The following SBNO1 variants were observed in gnomAD, a reference collection of about 807,000 sequenced individuals.
SBNO1 encodes strawberry notch homolog 1, also known as protein strawberry notch homolog 1.
In SBNO1, 23 loss-of-function variants were observed where a neutral mutation model predicts 173.6. The observed-to-expected ratio is 0.13, with a 90% CI of 0.10 to 0.19. The LOEUF (loss-of-function observed/expected upper bound fraction) is 0.19, where lower values mean the gene tolerates loss of function less well. Ranked by LOEUF, SBNO1 falls within the 10% of genes least tolerant of loss-of-function variation. SBNO1 has a pLI of 1.00. For missense variants in SBNO1, 1,238 were observed against 1,671.2 expected (o/e 0.74, Z 4.52); for synonymous variants, 632 against 571.5 (o/e 1.11, Z -1.51).
chr12:123,363,997 A>G, intron 1 of SBNO1: 4 of 985,474 alleles, frequency 4.1e-6, no homozygotes, highest in Non-Finnish European at 4.8e-6. Context: ...GTTATGCCAA[A>G]CGCTCTCAAA....
intron 1 of SBNO1, among the ~76,000 whole-genome samples, chr12:123,354,310 C>T (rs930032018): frequency 6.6e-6 from 1 of 152,072 alleles, no homozygotes; most frequent in African/African-American, 2.4e-5. Flanking sequence ...CAATTTAAGA[C>T]CCTCTAATCT....
intron 16 of SBNO1, among the ~76,000 whole-genome samples, chr12:123,323,287 C>CA (rs1343236083): frequency 6.6e-6 from 1 of 152,186 alleles, no homozygotes; most frequent in East Asian, 1.9e-4. Flanking sequence ...AGTTCATTCC[C>CA]AAAATATAGC....
chr12:123,319,910 T>A lies in SBNO1; in HGVS notation c.2789A>T (p.Asp930Val), dbSNP rs754115120. 7.4e-6 allele frequency: 12 copies of A among 1,613,890 alleles called. No individual in the cohort carries two copies. The highest frequency in any genetic ancestry group is 2.2e-5 in the South Asian group (2 of 91,080). The change falls in exon 20 of 32, where the codon GAT (aspartate) becomes GTT (valine). Residue 930 changes from aspartate (D) to valine (V), a missense_variant. Around this residue, in one of 14 missense-constraint regions of SBNO1, gnomAD observed 45 missense variants for 85.5 expected, o/e 0.53. Transcript: ENST00000602398. ...CTCAGTAAAACATACCTTATCTCCA[T>A]CCATAAATCGTTGTTTTTCTGTGAT... is the stretch of plus-strand genomic sequence containing the variant. Reference protein sequence around the residue: ...LNITEKQRFMDGDKNIAIISE... With the variant: ...LNITEKQRFMVGDKNIAIISE...
chr12:123,312,622 G>A (rs77631358), intron 24 of SBNO1, among the ~76,000 whole-genome samples: 81 of 151,458 alleles, frequency 5.3e-4, no homozygotes, highest in African/African-American at 1.9e-3. Context: ...TCAGGGAGGA[G>A]AACCCTTTGA....
At chr12:123,302,680 G>A in intron 30 of SBNO1, 144 bp downstream of exon 30, 1 of 676,032 alleles carries the variant, frequency 1.5e-6, no homozygotes, top group Non-Finnish European at 2.7e-6. Context: ...CAACTGTCCA[G>A]TAAATATTCC....
chr12:123,321,601 T>G lies in SBNO1; in HGVS notation c.2257A>C (p.Met753Leu). The G allele has an allele frequency of 6.2e-7, 1 of 1,614,084 alleles. No individual in the cohort carries two copies. The highest frequency in any genetic ancestry group is 8.5e-7 in the Non-Finnish European group (1 of 1,179,916). The change falls in exon 17 of 32, where the codon ATG (methionine) becomes CTG (leucine). Residue 753 changes from methionine (M) to leucine (L), a missense_variant. Physicochemically the swap from Met to Leu is conservative, Grantham distance 15 (BLOSUM62 2). This residue lies in a region of SBNO1 where 81 missense variants were observed against 82.6 expected (regional missense o/e 0.98). Coordinates refer to ENST00000602398, the MANE Select transcript of SBNO1 (RefSeq NM_001167856.3). ...EESDYESSKN[M>L]SSGDDDDFNP... Reference sequence around the variant, plus strand: ...AAATCGTCATCATCTCCAGAACTCATGTTTTTAGAGCTCTCATAGTCACTT... The same window carrying G: ...AAATCGTCATCATCTCCAGAACTCAGGTTTTTAGAGCTCTCATAGTCACTT...
intron 1 of SBNO1, among the ~76,000 whole-genome samples, chr12:123,359,075 G>C (rs988722535): frequency 6.6e-6 from 1 of 151,784 alleles, no homozygotes; most frequent in Non-Finnish European, 1.5e-5. Flanking sequence ...TGGGATTATA[G>C]GCGCCCACCA....
intron 9 of SBNO1, 37 bp downstream of exon 9, chr12:123,330,382 T>A (rs763992837): frequency 8.4e-7 from 1 of 1,195,944 alleles, no homozygotes; most frequent in Non-Finnish European, 1.2e-6. Context: ...TGAGTCAATA[T>A]TTATTGAATG....
Position 123,350,353 on chromosome 12 carries a change from T to G in SBNO1, c.89A>C (p.Asp30Ala). 1 of 1,613,356 alleles carries G rather than the reference T, an allele frequency of 6.2e-7. No individual in the cohort carries two copies. Among genetic ancestry groups the G allele is most frequent in the South Asian group, 1.1e-5 (1 of 91,062 alleles). Residue 30 changes from aspartate to alanine, a missense_variant, in exon 2 of 32, where the codon GAT (aspartate) becomes GCT (alanine). Asp to Ala is a moderately radical substitution (Grantham distance 126). This residue lies in a region of SBNO1 where 287 missense variants were observed against 274.1 expected (regional missense o/e 1.05). Coordinates refer to ENST00000602398, the MANE Select transcript of SBNO1 (RefSeq NM_001167856.3). ...PNDLFDIDGG[D>A]AGLATPMPTP... ...AGGCATTGGAGTTGCAAGCCCTGCATCTCCACCATCAATATCAAAGAGGTC... is the reference window on the plus strand; with the variant it reads ...AGGCATTGGAGTTGCAAGCCCTGCAGCTCCACCATCAATATCAAAGAGGTC...
At chr12:123,335,520 C>A (rs962712389) in intron 6 of SBNO1, among the ~76,000 whole-genome samples, 2 of 152,134 alleles carry the variant, frequency 1.3e-5, no homozygotes, top group Non-Finnish European at 2.9e-5. Flanking sequence ...AACCAAGTCC[C>A]CAAAATGTAC....
At chr12:123,343,907 C>T (rs1023163590) in intron 4 of SBNO1, among the ~76,000 whole-genome samples, 1 of 152,122 alleles carries the variant, frequency 6.6e-6, no homozygotes, top group African/African-American at 2.4e-5. Flanking sequence ...TCTTGCTGTG[C>T]AGCCTGATAA....
At position 123,325,537 on chromosome 12, in the gene SBNO1, G is replaced by T. The variant is rs1375504738; in HGVS notation, c.1938C>A (p.Gly646=). Reference sequence around the variant, plus strand: ...AAACAAAATCATTCAATTCTCCCCCGCCCTCTTCCAAAGCTTCTAATGTTC... The same window carrying T: ...AAACAAAATCATTCAATTCTCCCCCTCCCTCTTCCAAAGCTTCTAATGTTC... ...EARTLEALEE[G]GGELNDFVST... The change falls in exon 15 of 32, where the codon GGC becomes GGA. Residue 646 remains glycine (G), a synonymous_variant. Coordinates refer to ENST00000602398, the MANE Select transcript of SBNO1 (RefSeq NM_001167856.3). 1 of 1,612,644 alleles carries T rather than the reference G, an allele frequency of 6.2e-7. No homozygotes were observed. Among genetic ancestry groups the T allele is most frequent in the African/African-American group, 1.3e-5 (1 of 74,842 alleles).
At chr12:123,338,916 C>A (rs879902871) in intron 5 of SBNO1, among the ~76,000 whole-genome samples, 1 of 21,226 alleles carries the variant, frequency 4.7e-5, no homozygotes, top group Non-Finnish European at 1.4e-4. Context: ...ACACACGCCC[C>A]CCCCCCCCTC....
rs1159212956 is a variant in SBNO1 at position 123,304,493 on chromosome 12, C to T, written c.3768+89G>A. On this transcript the variant is annotated intron_variant, in intron 29 of 31. Coordinates refer to ENST00000602398, the MANE Select transcript of SBNO1 (RefSeq NM_001167856.3). ...TCAGGTGATCTGCCCACCTCGGCCTCCCAAAGTGCTGAGATTACAGGTGTG... is the reference window on the plus strand; with the variant it reads ...TCAGGTGATCTGCCCACCTCGGCCTTCCAAAGTGCTGAGATTACAGGTGTG... 1.1e-5 allele frequency: 11 copies of T among 1,028,142 alleles called. No homozygotes were observed. In the East Asian group the frequency reaches 2.7e-4, roughly 26 times the overall value. The allele number at this position is 1,028,142 out of a possible 1,614,324, so 63.7% of individuals were successfully genotyped here.
intron 5 of SBNO1, among the ~76,000 whole-genome samples, chr12:123,339,027 T>C (rs910906674): frequency 1.3e-5 from 2 of 151,196 alleles, no homozygotes; most frequent in African/African-American, 4.8e-5. Context: ...TGGACTGAAA[T>C]GGAAATGTGA....
At position 123,345,466 on chromosome 12, in the gene SBNO1, G is replaced by A; in HGVS notation, c.342C>T (p.Asn114=). 6.2e-7 allele frequency: 1 copy of A among 1,614,162 alleles called. No homozygotes were observed. The highest frequency in any genetic ancestry group is 8.5e-7 in the Non-Finnish European group (1 of 1,180,010). Residue 114 remains asparagine, a synonymous_variant, in exon 4 of 32, where the codon AAC becomes AAT. Coordinates refer to ENST00000602398, the MANE Select transcript of SBNO1 (RefSeq NM_001167856.3). ...VMTKTPPVTT[N]RQTITLTKFI... Reference sequence around the variant, plus strand: ...ACTTAGTTAAAGTGATGGTTTGCCTGTTGGTTGTTACAGGTGGTGTTTTAG... The same window carrying A: ...ACTTAGTTAAAGTGATGGTTTGCCTATTGGTTGTTACAGGTGGTGTTTTAG...
At chr12:123,329,763 G>A (rs1311837406) in intron 9 of SBNO1, among the ~76,000 whole-genome samples, 2 of 152,130 alleles carry the variant, frequency 1.3e-5, no homozygotes, top group East Asian at 3.9e-4. Flanking sequence ...GGAAGTAGAG[G>A]TGCAGTTACT....
In SBNO1 at chr12:123,334,216, A is replaced by G. The variant is rs1031992454; in HGVS notation, c.749-3T>C. The G allele has an allele frequency of 1.9e-6, 3 of 1,539,030 alleles. No homozygotes were observed. Among genetic ancestry groups the G allele is most frequent in the African/African-American group, 1.4e-5 (1 of 71,710 alleles). ...TGGATGACGTAGGCCAATTTTTACT[A>G]AACAAAAATGTAAAAACATTTTATT... On this transcript the variant is annotated splice_polypyrimidine_tract_variant and splice_region_variant and intron_variant, in intron 6 of 31. Coordinates refer to ENST00000602398, the MANE Select transcript of SBNO1 (RefSeq NM_001167856.3).
At chr12:123,305,455 G>T (rs778777084) in intron 28 of SBNO1, among the ~76,000 whole-genome samples, 15 of 152,064 alleles carry the variant, frequency 9.9e-5, no homozygotes, top group Non-Finnish European at 2.2e-4. Flanking sequence ...AGAAATGTTG[G>T]AATTTAGGTA....
Sources: allele counts gnomAD v4.1 joint callset (sites outside exome capture counted in the v4.1 genomes callset), GRCh38; gene constraint gnomAD v4.1.1; regional missense constraint gnomAD v4.1.1; transcripts MANE v1.5; gene names NCBI Gene and HGNC (gene_info 2026-07-23, HGNC 2026-07-21).